The following IL1RAPL2 variants were observed in gnomAD, a reference collection of about 807,000 sequenced individuals.
The protein encoded by IL1RAPL2 is interleukin 1 receptor accessory protein like 2.
Under a neutral mutation model 44.1 loss-of-function variants are expected in IL1RAPL2, and 3 were observed. The ratio of observed to expected loss-of-function variants is 0.07; its 90% CI spans 0.03 to 0.18. IL1RAPL2 has a LOEUF of 0.18. IL1RAPL2 is among the 10% of genes least tolerant of loss of function. The pLI, the probability that IL1RAPL2 is intolerant of heterozygous loss-of-function variation, is 1.00. For missense variants in IL1RAPL2, 391 were observed against 496.4 expected (o/e 0.79, Z 2.02); for synonymous variants, 181 against 178.8 (o/e 1.01, Z -0.10).
chrX:105,560,376 C>G lies in IL1RAPL2; in HGVS notation c.772+75989C>G, dbSNP rs765233420. 3.6e-5 allele frequency among the ~76,000 whole-genome samples: 4 copies of G among 111,800 alleles called. No individual in the cohort carries two copies. The East Asian group carries it at 1.1e-3, about 31-fold the overall frequency. ...TTTAACTGTTGGCTAGATGCCTGGA[C>G]TTTACTCCCAAAGATATCTCTTTTC... On this transcript the variant is annotated intron_variant, in intron 6 of 10. Coordinates refer to ENST00000372582, the MANE Select transcript of IL1RAPL2 (RefSeq NM_017416.2).
At chrX:104,782,714 T>A (rs933357947) in intron 2 of IL1RAPL2, among the ~76,000 whole-genome samples, 1 of 111,713 alleles carries the variant, frequency 9.0e-6, no homozygotes, top group Non-Finnish European at 1.9e-5. Context: ...CCCCTGGAAA[T>A]ATCAGCAATG....
intron 2 of IL1RAPL2, among the ~76,000 whole-genome samples, chrX:104,789,215 T>A (rs759095703): frequency 2.7e-5 from 3 of 111,905 alleles, no homozygotes; most frequent in Non-Finnish European, 5.6e-5. Flanking sequence ...GATGCTGAAG[T>A]TTGGAATACA....
intron 2 of IL1RAPL2, among the ~76,000 whole-genome samples, chrX:104,717,606 A>G (rs1192757850): frequency 3.6e-5 from 4 of 110,024 alleles, no homozygotes; most frequent in Non-Finnish European, 7.6e-5. Flanking sequence ...ATCAACAAAC[A>G]CATTCTTTTT....
chrX:105,449,902 C>T (rs2036007183), intron 5 of IL1RAPL2, among the ~76,000 whole-genome samples: 1 of 112,102 alleles, frequency 8.9e-6, no homozygotes, highest in African/African-American at 3.2e-5. Context: ...CTATGGCCAT[C>T]ACCACTGGGA....
chrX:105,496,291 T>G (rs1337963964), intron 6 of IL1RAPL2, among the ~76,000 whole-genome samples: 2 of 112,614 alleles, frequency 1.8e-5, no homozygotes, highest in Non-Finnish European at 3.8e-5. Flanking sequence ...GGGCACATGT[T>G]CTCAGGATTT....
At chrX:105,339,205 C>T (rs1401695205) in intron 5 of IL1RAPL2, among the ~76,000 whole-genome samples, 1 of 112,194 alleles carries the variant, frequency 8.9e-6, no homozygotes, top group Admixed American at 9.5e-5. Flanking sequence ...TAGCCCATCA[C>T]TGTCAAACCC....
chrX:105,511,120 C>G (rs925465745), intron 6 of IL1RAPL2, among the ~76,000 whole-genome samples: 10 of 111,588 alleles, frequency 9.0e-5, no homozygotes, highest in Admixed American at 3.8e-4. Context: ...ATTATGAATG[C>G]AAATCAAGAT....
At chrX:105,534,116 A>G (rs1301344395) in intron 6 of IL1RAPL2, among the ~76,000 whole-genome samples, 2 of 112,299 alleles carry the variant, frequency 1.8e-5, no homozygotes, top group Non-Finnish European at 3.8e-5. Flanking sequence ...ATAAACATGT[A>G]TTTAGTTTTT....
At chrX:105,297,102 C>T (rs2034659161) in intron 5 of IL1RAPL2, among the ~76,000 whole-genome samples, 1 of 111,980 alleles carries the variant, frequency 8.9e-6, no homozygotes, top group Non-Finnish European at 1.9e-5. Context: ...GAAGAGGTGA[C>T]ATTTGGGCAG....
intron 2 of IL1RAPL2, among the ~76,000 whole-genome samples, chrX:105,147,738 A>G (rs1483741100): frequency 8.9e-6 from 1 of 111,782 alleles, no homozygotes; most frequent in Admixed American, 9.5e-5. Flanking sequence ...TTATCCATTC[A>G]TCTGTTTATG....
rs773309249 is a variant in IL1RAPL2, at chrX:105,554,353, T to C, written c.772+69966T>C. Among the ~76,000 whole-genome samples the C allele has an allele frequency of 7.5e-4, 85 of 112,807 alleles. 1 individual carries two copies. The highest frequency in any genetic ancestry group is 1.5e-3 in the Non-Finnish European group (80 of 53,336). On this transcript the variant is annotated intron_variant, in intron 6 of 10. Transcript: ENST00000372582. ...TTGCTTATAATTTTGATTACAATAATTTTTAATTTATATAATTTTGCTTAT... is the reference window on the plus strand; with the variant it reads ...TTGCTTATAATTTTGATTACAATAACTTTTAATTTATATAATTTTGCTTAT...
rs776715914 is a variant in IL1RAPL2, at chrX:104,716,581, CACAA to C, written c.82+57591_82+57594del. ...AAGGGGCTTAAATCAACAAGCAAAA[CACAA>C]ACAATCCCGTTAAAAAATAGGCAAA... On this transcript the variant is annotated intron_variant, in intron 2 of 10. Coordinates refer to ENST00000372582, the MANE Select transcript of IL1RAPL2 (RefSeq NM_017416.2). Among the ~76,000 whole-genome samples the C allele has an allele frequency of 3.4e-3, 372 of 110,513 alleles. 2 individuals carry two copies. Among genetic ancestry groups the C allele is most frequent in the Non-Finnish European group, 5.5e-3 (287 of 52,541 alleles).
chrX:105,198,407 G>A (rs1556143123), intron 3 of IL1RAPL2, among the ~76,000 whole-genome samples: 14 of 111,904 alleles, frequency 1.3e-4, no homozygotes. Flanking sequence ...AAAAGGCGCT[G>A]TAATAAAAAT....
At chrX:104,817,662 G>A (rs1470946415) in intron 2 of IL1RAPL2, among the ~76,000 whole-genome samples, 2 of 111,581 alleles carry the variant, frequency 1.8e-5, no homozygotes, top group Non-Finnish European at 3.8e-5. Flanking sequence ...TATGACTTCA[G>A]GCAAGTTACT....
At chrX:105,074,393 T>C (rs1029260216) in intron 2 of IL1RAPL2, among the ~76,000 whole-genome samples, 3 of 111,398 alleles carry the variant, frequency 2.7e-5, no homozygotes, top group African/African-American at 6.5e-5. Context: ...TCTGTTCCAT[T>C]GGTCTATATC....
chrX:104,790,094 G>T (rs1382972728), intron 2 of IL1RAPL2, among the ~76,000 whole-genome samples: 1 of 111,986 alleles, frequency 8.9e-6, no homozygotes, highest in Non-Finnish European at 1.9e-5. Context: ...CTGCATGCAT[G>T]CATTGGTCTC....
intron 6 of IL1RAPL2, among the ~76,000 whole-genome samples, chrX:105,665,001 T>G (rs1302366436): frequency 1.8e-5 from 2 of 112,353 alleles, no homozygotes; most frequent in African/African-American, 6.5e-5. Context: ...AATAACATTT[T>G]TTCTCTAGCT....
At chrX:105,578,831 G>A (rs1201201497) in intron 6 of IL1RAPL2, among the ~76,000 whole-genome samples, 3 of 111,804 alleles carry the variant, frequency 2.7e-5, no homozygotes, top group South Asian at 3.7e-4. Context: ...TTGAATAAAT[G>A]AATAAAATAA....
intron 1 of IL1RAPL2, among the ~76,000 whole-genome samples, chrX:104,608,184 A>T (rs1203310682): frequency 9.1e-6 from 1 of 110,390 alleles, no homozygotes; most frequent in Non-Finnish European, 1.9e-5. Flanking sequence ...AACAATGAGA[A>T]CACATGGACA....
Sources: gnomAD v4.1 joint callset for allele counts (sites outside exome capture counted in the v4.1 genomes callset) on GRCh38, gnomAD v4.1.1 for gene constraint, MANE v1.5 for transcripts, NCBI Gene and HGNC (gene_info 2026-07-23, HGNC 2026-07-21) for gene names.